L2HGDH: variants seen among roughly 807,000 people sequenced by gnomAD.
L2HGDH encodes the protein L-2-hydroxyglutarate dehydrogenase.
In L2HGDH, 34 loss-of-function variants were observed where a neutral mutation model predicts 51.5. The ratio of observed to expected loss-of-function variants is 0.66; its 90% CI spans 0.50 to 0.88. L2HGDH has a LOEUF of 0.88. Among genes scored for constraint, L2HGDH ranks in the 40% least tolerant of loss-of-function variants. L2HGDH has a pLI of 0.00. For missense variants in L2HGDH, 558 were observed against 571.9 expected (o/e 0.98, Z 0.25); for synonymous variants, 198 against 197.9 (o/e 1.00, Z -0.01).
intron 9 of L2HGDH, among the ~76,000 whole-genome samples, chr14:50,260,201 C>T (rs1010506720): frequency 6.6e-6 from 1 of 151,466 alleles, no homozygotes; most frequent in African/African-American, 2.4e-5. Context: ...TAATACTTCC[C>T]AGTGCCAAGG....
intron 9 of L2HGDH, among the ~76,000 whole-genome samples, chr14:50,263,936 T>C (rs1889191037): frequency 6.6e-6 from 1 of 151,482 alleles, no homozygotes; most frequent in Non-Finnish European, 1.5e-5. Flanking sequence ...CCACCATGCC[T>C]GGCTAATTTT....
chr14:50,257,364 T>C (rs561889376), intron 9 of L2HGDH, among the ~76,000 whole-genome samples: 91 of 145,702 alleles, frequency 6.2e-4, no homozygotes, highest in Admixed American at 2.2e-3. Context: ...ATCTGAGGTT[T>C]TTCCTTTAAT....
At chr14:50,292,479 G>A (rs914199593) in intron 4 of L2HGDH, among the ~76,000 whole-genome samples, 7 of 152,250 alleles carry the variant, frequency 4.6e-5, no homozygotes, top group African/African-American at 1.7e-4. Context: ...GGCCGAGGCT[G>A]GAGGATCACC....
chr14:50,265,368 C>A lies in L2HGDH; in HGVS notation c.1186G>T (p.Asp396Tyr). Residue 396 changes from aspartate to tyrosine, a missense_variant, in exon 9 of 10, where the codon GAT becomes TAT. By Grantham distance (160) the Asp-to-Tyr change is radical. This residue lies in a region of L2HGDH where 321 missense variants were observed against 311.8 expected (regional missense o/e 1.03). Transcript: ENST00000267436. ...ATCCCTTTTCCTTACCTAAGTATAT[C>A]ACTGATAGTAATTTCAGGGATGAAT... ...QKFIPEITIS[D>Y]ILRGPAGVRA... 6.2e-7 allele frequency: 1 copy of A among 1,611,204 alleles called. No homozygotes were observed. The highest frequency in any genetic ancestry group is 8.5e-7 in the Non-Finnish European group (1 of 1,177,464).
At chr14:50,286,016 G>T (rs535365730) in intron 4 of L2HGDH, among the ~76,000 whole-genome samples, 2 of 152,172 alleles carry the variant, frequency 1.3e-5, no homozygotes, top group Non-Finnish European at 2.9e-5. Flanking sequence ...GCCAAGTTGG[G>T]GTGGTGTTGG....
At chr14:50,305,296 T>C (rs1392910308) in intron 1 of L2HGDH, among the ~76,000 whole-genome samples, 3 of 152,194 alleles carry the variant, frequency 2.0e-5, no homozygotes, top group African/African-American at 7.2e-5. Flanking sequence ...TGGTGAATGA[T>C]GCCCACTTTT....
At chr14:50,273,371 T>C (rs1189242645) in intron 6 of L2HGDH, among the ~76,000 whole-genome samples, 3 of 152,198 alleles carry the variant, frequency 2.0e-5, no homozygotes, top group Admixed American at 2.0e-4. Flanking sequence ...ATAGTCTCCA[T>C]AAATGGTGCT....
intron 4 of L2HGDH, among the ~76,000 whole-genome samples, chr14:50,289,694 T>C (rs1329049128): frequency 6.6e-6 from 1 of 152,224 alleles, no homozygotes; most frequent in African/African-American, 2.4e-5. Context: ...TAATAATATA[T>C]ACCATTTCTT....
At chr14:50,275,615 T>A (rs1889934334) in intron 6 of L2HGDH, among the ~76,000 whole-genome samples, 1 of 152,176 alleles carries the variant, frequency 6.6e-6, no homozygotes, top group Non-Finnish European at 1.5e-5. Context: ...ATTTTCCCCA[T>A]CACCCTGAAG....
At chr14:50,264,366 G>A (rs979088803) in intron 9 of L2HGDH, among the ~76,000 whole-genome samples, 1 of 152,052 alleles carries the variant, frequency 6.6e-6, no homozygotes, top group Non-Finnish European at 1.5e-5. Flanking sequence ...CAAGAAGAGC[G>A]AAACTCCATT....
chr14:50,312,134 C>G lies in L2HGDH; in HGVS notation c.17G>C (p.Arg6Pro). MVPAL[R>P]YLVGACGRAR... ...CCGTCCGCAGGCACCAACCAAATAA[C>G]GCAGCGCTGGCACCATCCCCTACGC... Residue 6 changes from arginine (R) to proline (P), a missense_variant, in exon 1 of 10, where the codon CGT becomes CCT. Physicochemically the swap from Arg to Pro is moderately radical, Grantham distance 103. This residue lies in a region of L2HGDH where 194 missense variants were observed against 187.2 expected (regional missense o/e 1.04). Coordinates refer to ENST00000267436, the MANE Select transcript of L2HGDH (RefSeq NM_024884.3). 6.2e-7 allele frequency: 1 copy of G among 1,610,422 alleles called. No homozygotes were observed. Among genetic ancestry groups the G allele is most frequent in the Non-Finnish European group, 8.5e-7 (1 of 1,179,086 alleles).
rs549795888 is a variant in L2HGDH at position 50,297,085 on chromosome 14, T to C, written c.409-2839A>G. Among the ~76,000 whole-genome samples the C allele has an allele frequency of 1.1e-3, 164 of 152,130 alleles. 1 individual carries two copies. Among genetic ancestry groups the C allele is most frequent in the African/African-American group, 3.8e-3 (159 of 41,508 alleles). The stretch of plus-strand genomic sequence containing the variant: ...CAACACCTTTTCATGATAGAAAACA[T>C]TCAACAAACTAGGAATAGAAAGGAA... On this transcript the variant is annotated intron_variant, in intron 3 of 9. Coordinates refer to ENST00000267436, the MANE Select transcript of L2HGDH (RefSeq NM_024884.3).
Position 50,283,995 on chromosome 14 carries a change from C to T in L2HGDH, c.579G>A (p.Val193=). 3 of 1,614,116 alleles carry T rather than the reference C, an allele frequency of 1.9e-6. 1 individual carries two copies. In the South Asian group the frequency reaches 3.3e-5, roughly 18 times the overall value. ...ATGACAAAGCCACCTGCCGATAGTC[C>T]ACAATGCCAGTATGTGGACAATCAA... ...MAIDCPHTGI[V]DYRQVALSFA... Residue 193 remains valine, a synonymous_variant, in exon 5 of 10, where the codon GTG becomes GTA. Coordinates refer to ENST00000267436, the MANE Select transcript of L2HGDH (RefSeq NM_024884.3).
chr14:50,288,544 C>T (rs1251939837), intron 4 of L2HGDH, among the ~76,000 whole-genome samples: 1 of 152,192 alleles, frequency 6.6e-6, no homozygotes, highest in East Asian at 1.9e-4. Context: ...GATTCTCCTG[C>T]CTCAGCTTCC....
At chr14:50,273,808 C>T (rs2139994517) in intron 6 of L2HGDH, among the ~76,000 whole-genome samples, 1 of 152,300 alleles carries the variant, frequency 6.6e-6, no homozygotes, top group East Asian at 1.9e-4. Context: ...AGGCCGGGCA[C>T]AGGGGCTCAC....
At chr14:50,275,194 T>A (rs1383257997) in intron 6 of L2HGDH, among the ~76,000 whole-genome samples, 1 of 152,194 alleles carries the variant, frequency 6.6e-6, no homozygotes, top group African/African-American at 2.4e-5. Context: ...TTGATTGTGA[T>A]AATCATTTCA....
chr14:50,283,232 C>G (rs1347796964), intron 5 of L2HGDH, among the ~76,000 whole-genome samples: 5 of 151,970 alleles, frequency 3.3e-5, no homozygotes, highest in Non-Finnish European at 7.4e-5. Flanking sequence ...TTTTAACAAG[C>G]ATTGTCAAGA....
At chr14:50,261,805 T>C (rs1889042652) in intron 9 of L2HGDH, among the ~76,000 whole-genome samples, 1 of 152,158 alleles carries the variant, frequency 6.6e-6, no homozygotes, top group Non-Finnish European at 1.5e-5. Context: ...TTAAGAGTCT[T>C]AGAGACCATC....
At chr14:50,249,266 G>T (rs778550631) in intron 9 of L2HGDH, among the ~76,000 whole-genome samples, 2 of 152,182 alleles carry the variant, frequency 1.3e-5, no homozygotes, top group Non-Finnish European at 2.9e-5. Flanking sequence ...TCAGCTACTA[G>T]CACTAGGCTG....
Sources: allele counts gnomAD v4.1 joint callset (sites outside exome capture counted in the v4.1 genomes callset), GRCh38; gene constraint gnomAD v4.1.1; regional missense constraint gnomAD v4.1.1; transcripts MANE v1.5; gene names NCBI Gene and HGNC (gene_info 2026-07-23, HGNC 2026-07-21).